IGF1: variants seen among roughly 807,000 people sequenced by gnomAD.
IGF1 encodes the protein insulin-like growth factor 1.
A neutral mutation model predicts 13.8 loss-of-function variants in IGF1; 4 were observed. That is an observed-to-expected ratio of 0.29 (90% CI 0.14 to 0.66). The LOEUF is 0.66. IGF1 is among the 30% of genes least tolerant of loss of function. The pLI is 0.78. For synonymous variants in IGF1, 76 were observed against 72.6 expected, an observed-to-expected ratio of 1.05 and a Z score of -0.23; for missense variants, 124 against 188.5, an observed-to-expected ratio of 0.66 and a Z score of 2.00.
chr12:102,401,278 T>C lies in IGF1; in HGVS notation c.*1229A>G. ...AAGTGACTTGCCCAAGGTCACACAG[T>C]GGTGAGTCCATGACACAGCTGGCAG... On this transcript the variant is annotated 3_prime_UTR_variant, in exon 4 of 4. Coordinates refer to ENST00000337514, the MANE Select transcript of IGF1 (RefSeq NM_000618.5). 1 of 157,090 alleles carries C rather than the reference T, an allele frequency of 6.4e-6. No individual in the cohort carries two copies. The highest frequency in any genetic ancestry group is 1.4e-5 in the Non-Finnish European group (1 of 71,624). 9.7% of individuals were successfully genotyped at this position (157,090 alleles called of 1,614,324 possible).
Position 102,398,097 on chromosome 12 carries a change from A to AC in IGF1, c.*4409_*4410insG, listed in dbSNP as rs1555235251. On this transcript the variant is annotated 3_prime_UTR_variant, in exon 4 of 4. Coordinates refer to ENST00000337514, the MANE Select transcript of IGF1 (RefSeq NM_000618.5). ...AAGACTGTATAAAGTAAAAAAAAAA[A>AC]AAAAACAAAAACAAGAAACAAAAAA... 1.9e-4 allele frequency: 29 copies of AC among 152,018 alleles called. No individual in the cohort carries two copies. The highest frequency in any genetic ancestry group is 9.2e-4 in the Admixed American group (14 of 15,204). 9.4% of individuals were successfully genotyped at this position (152,018 alleles called of 1,614,324 possible).
At chr12:102,435,653 C>G (rs1418513625) in intron 2 of IGF1, among the ~76,000 whole-genome samples, 1 of 152,192 alleles carries the variant, frequency 6.6e-6, no homozygotes, top group Non-Finnish European at 1.5e-5. Context: ...AATGGCAAGA[C>G]TTCTCCACCC....
rs57084343 is a variant in IGF1 at position 102,441,915 on chromosome 12, C to CCTTCTTCTTCTTCTTCTTCTT, written c.221-22246_221-22226dup. ...GTCATTCTATTACACTGCTTCTTCT[C>CCTTCTTCTTCTTCTTCTTCTT]CTTCTTCTTCTTCTTCTTCTTCTTC... On this transcript the variant is annotated intron_variant, in intron 2 of 3. Coordinates refer to ENST00000337514, the MANE Select transcript of IGF1 (RefSeq NM_000618.5). Among the ~76,000 whole-genome samples the CCTTCTTCTTCTTCTTCTTCTT allele has an allele frequency of 2.2e-3, 271 of 122,094 alleles. 6 individuals are homozygous for CCTTCTTCTTCTTCTTCTTCTT. Among genetic ancestry groups the CCTTCTTCTTCTTCTTCTTCTT allele is most frequent in the African/African-American group, 6.0e-3 (195 of 32,488 alleles). The allele number at this position is 122,094 out of a possible 152,430, so 80.1% of individuals were successfully genotyped here. A position where few individuals can be genotyped will look rare whatever the true frequency, so the allele number is the denominator to read the frequency against.
At chr12:102,456,854 C>G (rs1315879076) in intron 2 of IGF1, among the ~76,000 whole-genome samples, 1 of 152,216 alleles carries the variant, frequency 6.6e-6, no homozygotes, top group East Asian at 1.9e-4. Flanking sequence ...GGCTAACCCA[C>G]TTTCAACTTC....
chr12:102,449,727 T>A (rs1878748246), intron 2 of IGF1, among the ~76,000 whole-genome samples: 1 of 148,364 alleles, frequency 6.7e-6, no homozygotes, highest in East Asian at 2.0e-4. Flanking sequence ...TAGGGTTGAA[T>A]CCTAACCCCT....
intron 1 of IGF1, among the ~76,000 whole-genome samples, chr12:102,477,840 A>G (rs1385738310): frequency 6.6e-6 from 1 of 152,188 alleles, no homozygotes; most frequent in East Asian, 1.9e-4. Flanking sequence ...CCAGGGAAAA[A>G]AATTACTCAA....
At chr12:102,477,175 C>G (rs1466897619) in intron 1 of IGF1, among the ~76,000 whole-genome samples, 1 of 151,682 alleles carries the variant, frequency 6.6e-6, no homozygotes, top group East Asian at 1.9e-4. Flanking sequence ...CCTCCATGGA[C>G]TCTCAATTTA....
chr12:102,453,209 G>A (rs570548939), intron 2 of IGF1, among the ~76,000 whole-genome samples: 1 of 152,170 alleles, frequency 6.6e-6, no homozygotes, highest in Non-Finnish European at 1.5e-5. Flanking sequence ...TAATGTGTTA[G>A]GTGTGTGGCC....
intron 3 of IGF1, among the ~76,000 whole-genome samples, chr12:102,418,695 C>A (rs1247499060): frequency 1.3e-5 from 2 of 152,104 alleles, no homozygotes; most frequent in African/African-American, 4.8e-5. Flanking sequence ...AAATTTTAAT[C>A]TCTTATATTC....
chr12:102,447,667 T>C (rs1271956083), intron 2 of IGF1, among the ~76,000 whole-genome samples: 2 of 152,200 alleles, frequency 1.3e-5, no homozygotes, highest in Non-Finnish European at 2.9e-5. Flanking sequence ...GTCTTGACTC[T>C]ATCCTATTTG....
intron 2 of IGF1, among the ~76,000 whole-genome samples, chr12:102,426,335 G>C (rs1179750248): frequency 3.9e-5 from 6 of 152,212 alleles, no homozygotes; most frequent in Non-Finnish European, 2.9e-5. Context: ...TGTATGCAAA[G>C]TGTTTTGCAC....
intron 2 of IGF1, among the ~76,000 whole-genome samples, chr12:102,426,312 G>A (rs1876202076): frequency 6.6e-6 from 1 of 152,212 alleles, no homozygotes; most frequent in Non-Finnish European, 1.5e-5. Context: ...CTGGCATGAA[G>A]ATTAAGTGAG....
At chr12:102,463,201 C>A (rs1327390049) in intron 2 of IGF1, 1 of 152,162 alleles carries the variant, frequency 6.6e-6, no homozygotes, top group Non-Finnish European at 1.5e-5. Context: ...AAATTAGATC[C>A]ATTTTCAGTA....
At chr12:102,441,906 G>GCTGCTGCCT in intron 2 of IGF1, among the ~76,000 whole-genome samples, 1 of 100,292 alleles carries the variant, frequency 1.0e-5, no homozygotes, top group Non-Finnish European at 2.1e-5. Flanking sequence ...CTATTACACT[G>GCTGCTGCCT]CTTCTTCTCC....
At chr12:102,402,769 A>G (rs192179183) in intron 3 of IGF1, among the ~76,000 whole-genome samples, 8 of 152,178 alleles carry the variant, frequency 5.3e-5, no homozygotes, top group Admixed American at 1.3e-4. Context: ...GGCATCTTCT[A>G]TGTACCCCTG....
intron 2 of IGF1, among the ~76,000 whole-genome samples, chr12:102,444,894 A>G (rs1369227388): frequency 6.6e-6 from 1 of 152,122 alleles, no homozygotes; most frequent in Non-Finnish European, 1.5e-5. Flanking sequence ...CGTGCAGAGG[A>G]CAAATTTTGC....
chr12:102,480,686 T>G, upstream of IGF1: 1 of 1,040,358 alleles, frequency 9.6e-7, no homozygotes, highest in East Asian at 3.5e-5. Context: ...GAGTAAGGAC[T>G]TTTTTGGGCA....
intron 1 of IGF1, chr12:102,478,572 A>T: frequency 6.3e-7 from 1 of 1,586,764 alleles, no homozygotes; most frequent in Non-Finnish European, 8.6e-7. Flanking sequence ...TAGAAAACTG[A>T]AGTCTTAAAA....
intron 2 of IGF1, among the ~76,000 whole-genome samples, chr12:102,433,634 G>A (rs113022067): frequency 2.6e-5 from 4 of 152,068 alleles, no homozygotes; most frequent in Non-Finnish European, 5.9e-5. Context: ...TGAGCATCTC[G>A]AGGGCAGACA....
Sources: gnomAD v4.1 joint callset for allele counts (sites outside exome capture counted in the v4.1 genomes callset) on GRCh38, gnomAD v4.1.1 for gene constraint, MANE v1.5 for transcripts, NCBI Gene and HGNC (gene_info 2026-07-23, HGNC 2026-07-21) for gene names.